Variants in ZNF470 observed in about 807,000 individuals in gnomAD.
The protein encoded by ZNF470 is zinc finger protein 470.
In ZNF470, 13 loss-of-function variants were observed where a neutral mutation model predicts 13.9. The observed-to-expected ratio is 0.94, with a 90% CI of 0.61 to 1.49. The LOEUF is 1.49. Ranked by LOEUF, ZNF470 falls within the 40% of genes most tolerant of loss-of-function variation. The probability of loss-of-function intolerance (pLI) is 0.00; values close to 1 mark genes in which losing one functional copy is unlikely to be tolerated. For synonymous variants in ZNF470, 293 were observed against 282.9 expected, an observed-to-expected ratio of 1.04 and a Z score of -0.36; for missense variants, 929 against 857.3, an observed-to-expected ratio of 1.08 and a Z score of -1.04.
At position 56,574,656 on chromosome 19, in the gene ZNF470, C is replaced by G. The variant is rs1233506714; in HGVS notation, c.206C>G (p.Pro69Arg). Residue 69 changes from proline to arginine, a missense_variant, in exon 5 of 6, where the codon CCA (proline) becomes CGA (arginine). Transcript: ENST00000330619. ...CATGCAGGTCTTTGCATTTCTAAAC[C>G]AGATGTGATCTCCTTACTGGAGCAA... is the stretch of plus-strand genomic sequence containing the variant. The part of the protein sequence containing the change: ...LVSVGLCISK[P>R]DVISLLEQEK... The G allele has an allele frequency of 1.4e-5, 22 of 1,613,628 alleles. No individual in the cohort carries two copies. The highest frequency in any genetic ancestry group is 1.7e-5 in the Non-Finnish European group (20 of 1,179,816).
intron 3 of ZNF470, among the ~76,000 whole-genome samples, chr19:56,573,223 CCTT>C (rs2044467564): frequency 1.3e-5 from 2 of 152,126 alleles, no homozygotes; most frequent in Admixed American, 6.6e-5. Context: ...TCCCTTCTGT[CCTT>C]CTTCATCCTT....
At chr19:56,570,780 T>C (rs2044446691) in intron 3 of ZNF470, among the ~76,000 whole-genome samples, 1 of 152,216 alleles carries the variant, frequency 6.6e-6, no homozygotes, top group Middle Eastern at 3.4e-3. Flanking sequence ...TTACGCAGTG[T>C]GAGAAGTGCT....
Position 56,568,814 on chromosome 19 carries a change from G to GA in ZNF470, c.-101dup, listed in dbSNP as rs2147978057. The GA allele has an allele frequency of 6.6e-6, 1 of 152,262 alleles. No homozygotes were observed. The highest frequency in any genetic ancestry group is 2.4e-5 in the African/African-American group (1 of 41,544). The allele number at this position is 152,262 out of a possible 1,614,324, so 9.4% of individuals were successfully genotyped here. On this transcript the variant is annotated 5_prime_UTR_variant, in exon 2 of 6. Coordinates refer to ENST00000330619, the MANE Select transcript of ZNF470 (RefSeq NM_001001668.4). ...AATCACTAGCAAGTGGAAGAACCGGGATTCAGATCCAGAACAGGCTGACTC... is the reference window on the plus strand; with the variant it reads ...AATCACTAGCAAGTGGAAGAACCGGGAATTCAGATCCAGAACAGGCTGACTC...
In ZNF470 at chr19:56,569,305, C is replaced by T. The variant is rs1042909911; in HGVS notation, c.-33+422C>T. Among the ~76,000 whole-genome samples, 8 of 152,130 alleles carry T rather than the reference C, an allele frequency of 5.3e-5. No homozygotes were observed. In the East Asian group the frequency reaches 5.8e-4, roughly 11 times the overall value. On this transcript the variant is annotated intron_variant, in intron 2 of 5. Transcript: ENST00000330619. ...CACAAAACAAAATGAGATCCTAGGC[C>T]TCATGAGGATTTTTTCATTTGGTTG...
rs1220512488 is a variant in ZNF470 at position 56,581,011 on chromosome 19, T to C, written c.*2428T>C. 4 of 985,122 alleles carry C rather than the reference T, an allele frequency of 4.1e-6. No individual in the cohort carries two copies. The highest frequency in any genetic ancestry group is 4.8e-6 in the Non-Finnish European group (4 of 829,796). 61.0% of individuals were successfully genotyped at this position (985,122 alleles called of 1,614,324 possible). A position where few individuals can be genotyped will look rare whatever the true frequency, so the allele number is the denominator to read the frequency against. Reference sequence around the variant, plus strand: ...ATATATATGTACCCTCGGTTTGAAATAGACTTTAAGCACTAATGCATAACC... The same window carrying C: ...ATATATATGTACCCTCGGTTTGAAACAGACTTTAAGCACTAATGCATAACC... On this transcript the variant is annotated 3_prime_UTR_variant, in exon 6 of 6. Coordinates refer to ENST00000330619, the MANE Select transcript of ZNF470 (RefSeq NM_001001668.4).
At position 56,578,191 on chromosome 19, in the gene ZNF470, A is replaced by G. The variant is rs1301172848; in HGVS notation, c.1762A>G (p.Ser588Gly). 1.9e-6 allele frequency: 3 copies of G among 1,614,066 alleles called. No individual in the cohort carries two copies. Among genetic ancestry groups the G allele is most frequent in the African/African-American group, 2.7e-5 (2 of 74,942 alleles). The change falls in exon 6 of 6, where the codon AGT becomes GGT. Residue 588 changes from serine to glycine, a missense_variant. Transcript: ENST00000330619. Reference sequence around the variant, plus strand: ...TCTTGTTCAACATCAGAGACTCCACAGTGGCAAAAGACCGTATGAATGTCT... The same window carrying G: ...TCTTGTTCAACATCAGAGACTCCACGGTGGCAAAAGACCGTATGAATGTCT... ...SYLVQHQRLH[S>G]GKRPYECLEC...
chr19:56,577,676 A>C lies in ZNF470; in HGVS notation c.1247A>C (p.Lys416Thr), dbSNP rs746563326. The change falls in exon 6 of 6, where the codon AAG becomes ACG. Residue 416 changes from lysine to threonine, a missense_variant. Physicochemically the swap from Lys to Thr is moderately conservative, Grantham distance 78. Transcript: ENST00000330619. ...FTDHIGLIQH[K>T]RTHTGERPYK... is the part of the protein sequence containing the mutation. ...GATCACATAGGACTTATTCAGCATA[A>C]GAGAACTCATACTGGAGAGAGACCT... 6.2e-7 allele frequency: 1 copy of C among 1,610,958 alleles called. No homozygotes were observed. Among genetic ancestry groups the C allele is most frequent in the Admixed American group, 1.7e-5 (1 of 59,930 alleles).
chr19:56,576,763 T>A lies in ZNF470; in HGVS notation c.334T>A (p.Tyr112Asn), dbSNP rs143897679. The change falls in exon 6 of 6, where the codon TAT becomes AAT. Residue 112 changes from tyrosine (Y) to asparagine (N), a missense_variant. Transcript: ENST00000330619. ...TKSLSLNQDI[Y>N]EEKLPPAIIM... ...ATCATTATCTTTAAACCAGGATATT[T>A]ATGAAGAAAAATTACCCCCGGCAAT... is the stretch of plus-strand genomic sequence containing the variant. 1.4e-5 allele frequency: 21 copies of A among 1,521,982 alleles called. No individual in the cohort carries two copies. The highest frequency in any genetic ancestry group is 2.3e-5 in the Admixed American group (1 of 43,866). The allele number at this position is 1,521,982 out of a possible 1,614,324, so 94.3% of individuals were successfully genotyped here.
Position 56,572,340 on chromosome 19 carries a change from CAAAAAAAA to C in ZNF470, c.60+1994_60+2001del, listed in dbSNP as rs564410370. ...CCAACATGGTGAAACCCTGTCTCTACAAAAAAAAAAAAAAAAAAAAAAAAAAAAAAAAT... is the reference window on the plus strand; with the variant it reads ...CCAACATGGTGAAACCCTGTCTCTACAAAAAAAAAAAAAAAAAAAAAAAAT... On this transcript the variant is annotated intron_variant, in intron 3 of 5. Transcript: ENST00000330619. Among the ~76,000 whole-genome samples the C allele has an allele frequency of 3.7e-4, 6 of 16,398 alleles. 1 individual carries two copies. Among genetic ancestry groups the C allele is most frequent in the African/African-American group, 2.2e-3 (3 of 1,370 alleles). 10.8% of individuals were successfully genotyped at this position (16,398 alleles called of 152,430 possible). A position where few individuals can be genotyped will look rare whatever the true frequency, so the allele number is the denominator to read the frequency against.
At chr19:56,576,617 G>A (rs1167052598) in intron 5 of ZNF470, 96 bp from the exon 6 acceptor site, 31 of 1,021,870 alleles carry the variant, frequency 3.0e-5, no homozygotes, top group Non-Finnish European at 3.9e-5. Flanking sequence ...TCTGCTTGTG[G>A]GTTTCAATAA....
chr19:56,568,270 G>C (rs980087056), intron 1 of ZNF470, among the ~76,000 whole-genome samples: 3 of 152,150 alleles, frequency 2.0e-5, no homozygotes, highest in Non-Finnish European at 4.4e-5. Context: ...CAGGTCCTTG[G>C]TATATCACTA....
At position 56,568,018 on chromosome 19, in the gene ZNF470, C is replaced by A; in HGVS notation, c.-179C>A. On this transcript the variant is annotated 5_prime_UTR_variant, in exon 1 of 6. Coordinates refer to ENST00000330619, the MANE Select transcript of ZNF470 (RefSeq NM_001001668.4). Reference sequence around the variant, plus strand: ...TCCACAGGACGGCGAGGAGCGAAGACCATGGGGACTGAGTACACAGGTAAG... The same window carrying A: ...TCCACAGGACGGCGAGGAGCGAAGAACATGGGGACTGAGTACACAGGTAAG... 1 of 985,656 alleles carries A rather than the reference C, an allele frequency of 1.0e-6. No individual in the cohort carries two copies. Among genetic ancestry groups the A allele is most frequent in the Non-Finnish European group, 1.2e-6 (1 of 830,098 alleles). 61.1% of individuals were successfully genotyped at this position (985,656 alleles called of 1,614,324 possible). A position where few individuals can be genotyped will look rare whatever the true frequency, so the allele number is the denominator to read the frequency against.
chr19:56,572,389 T>TATACACACACACACATATATATATAA (rs1176889939), intron 3 of ZNF470, among the ~76,000 whole-genome samples: 4 of 38,960 alleles, frequency 1.0e-4, no homozygotes, highest in Non-Finnish European at 1.6e-4. Flanking sequence ...TATATATATA[T>TATACACACACACACATATATATATAA]AAATTAGCCA....
intron 3 of ZNF470, among the ~76,000 whole-genome samples, chr19:56,571,737 T>G (rs568767925): frequency 6.9e-4 from 105 of 151,412 alleles, no homozygotes; most frequent in African/African-American, 2.4e-3. Flanking sequence ...GCCTCCCAAG[T>G]AGCTGGGATT....
In ZNF470 at chr19:56,582,123, A is replaced by C. The variant is rs77343598; in HGVS notation, c.*3540A>C. 1.1e-3 allele frequency: 1,078 copies of C among 985,400 alleles called. 14 individuals carry two copies. In the African/African-American group the frequency reaches 0.017, roughly 15 times the overall value. The allele number at this position is 985,400 out of a possible 1,614,324, so 61.0% of individuals were successfully genotyped here. On this transcript the variant is annotated 3_prime_UTR_variant, in exon 6 of 6. Transcript: ENST00000330619. The stretch of plus-strand genomic sequence containing the variant: ...GCTTTTTGGATGAGATGGGGCGAAT[A>C]AGACTTATATTCTAGACTGGAAAGC...
intron 2 of ZNF470, among the ~76,000 whole-genome samples, chr19:56,569,638 A>G (rs913652847): frequency 2.0e-5 from 3 of 152,112 alleles, no homozygotes; most frequent in African/African-American, 4.8e-5. Flanking sequence ...AGATTTAAAG[A>G]CAGTATTAAT....
Position 56,580,760 on chromosome 19 carries a change from A to T in ZNF470, c.*2177A>T. On this transcript the variant is annotated 3_prime_UTR_variant, in exon 6 of 6. Coordinates refer to ENST00000330619, the MANE Select transcript of ZNF470 (RefSeq NM_001001668.4). ...CCTCTTCACTTCTGCTGATAGAAGCATAATGGCTAGGGGATGGGTAGTCTC... is the reference window on the plus strand; with the variant it reads ...CCTCTTCACTTCTGCTGATAGAAGCTTAATGGCTAGGGGATGGGTAGTCTC... 1.3e-6 allele frequency: 1 copy of T among 790,122 alleles called. No homozygotes were observed. Among genetic ancestry groups the T allele is most frequent in the Non-Finnish European group, 1.5e-6 (1 of 652,234 alleles). 48.9% of individuals were successfully genotyped at this position (790,122 alleles called of 1,614,324 possible).
intron 3 of ZNF470, chr19:56,573,895 T>C: frequency 4.3e-6 from 4 of 924,468 alleles, no homozygotes; most frequent in Non-Finnish European, 5.2e-6. Context: ...GGTGTTTTTT[T>C]CCTTTCATTT....
rs533571230 is a variant in ZNF470 at position 56,578,692 on chromosome 19, C to G, written c.*109C>G. The G allele has an allele frequency of 3.4e-5, 45 of 1,317,914 alleles. No homozygotes were observed. In the African/African-American group the frequency reaches 5.1e-4, roughly 15 times the overall value. The allele number at this position is 1,317,914 out of a possible 1,614,324, so 81.6% of individuals were successfully genotyped here. A position where few individuals can be genotyped will look rare whatever the true frequency, so the allele number is the denominator to read the frequency against. On this transcript the variant is annotated 3_prime_UTR_variant, in exon 6 of 6. Transcript: ENST00000330619. ...CATCTGGATTTCTGCAGTAGCATAA[C>G]TGTTGCCCCTTTTGCTTCTATCAAC...
Sources: allele counts gnomAD v4.1 joint callset (sites outside exome capture counted in the v4.1 genomes callset), GRCh38; gene constraint gnomAD v4.1.1; transcripts MANE v1.5; gene names NCBI Gene and HGNC (gene_info 2026-07-23, HGNC 2026-07-21).